Variants in ARMC10 observed in about 807,000 individuals in gnomAD.
ARMC10 encodes armadillo repeat containing 10.
A neutral mutation model predicts 30.2 loss-of-function variants in ARMC10; 23 were observed. The observed-to-expected ratio is 0.76, with a 90% CI of 0.55 to 1.08. ARMC10 has a LOEUF of 1.08. Among genes scored for constraint, ARMC10 ranks in the 50% least tolerant of loss-of-function variants. The pLI is 0.00. For synonymous variants in ARMC10, 111 were observed against 164.4 expected (o/e 0.68, Z 2.48); for missense variants, 303 against 413.7 (o/e 0.73, Z 2.32).
At chr7:103,091,070 G>A (rs1341328395) in intron 4 of ARMC10, among the ~76,000 whole-genome samples, 1 of 152,072 alleles carries the variant, frequency 6.6e-6, no homozygotes, top group South Asian at 2.1e-4. Flanking sequence ...AGAACTTTTG[G>A]TGGAGTTCAG....
chr7:103,084,595 C>T (rs1228838899), intron 3 of ARMC10, among the ~76,000 whole-genome samples: 1 of 152,120 alleles, frequency 6.6e-6, no homozygotes, highest in Non-Finnish European at 1.5e-5. Context: ...AAATATTGAG[C>T]TCAGCTAACT....
intron 4 of ARMC10, among the ~76,000 whole-genome samples, chr7:103,087,108 C>G (rs1425016907): frequency 1.3e-5 from 2 of 152,176 alleles, no homozygotes; most frequent in East Asian, 3.8e-4. Flanking sequence ...AGAACTAGAA[C>G]TAGTATTACA....
chr7:103,089,003 CCTTT>C (rs1801088437), intron 4 of ARMC10: 3 of 154,300 alleles, frequency 1.9e-5, no homozygotes, highest in Admixed American at 1.3e-4. Flanking sequence ...CACATCAATT[CCTTT>C]CTTATCACAC....
chr7:103,083,548 C>T (rs1800573855), intron 2 of ARMC10, 134 bp from the exon 3 acceptor site: 2 of 739,964 alleles, frequency 2.7e-6, no homozygotes, highest in South Asian at 1.9e-5. Context: ...ATCACTTGAG[C>T]CCAGGAGATC....
At chr7:103,095,601 C>T (rs1230066769) in intron 5 of ARMC10, 2 of 152,196 alleles carry the variant, frequency 1.3e-5, no homozygotes, top group Non-Finnish European at 2.9e-5. Context: ...TAGTACCCCC[C>T]TCTATGCTTA....
chr7:103,080,047 C>T (rs983757719), intron 2 of ARMC10, among the ~76,000 whole-genome samples: 3 of 152,100 alleles, frequency 2.0e-5, no homozygotes, highest in African/African-American at 7.2e-5. Flanking sequence ...CTGGAGGAGA[C>T]CACAAACCAC....
At chr7:103,080,853 C>T (rs1401135445) in intron 2 of ARMC10, among the ~76,000 whole-genome samples, 1 of 151,614 alleles carries the variant, frequency 6.6e-6, no homozygotes, top group Admixed American at 6.6e-5. Flanking sequence ...GTCTTGCACT[C>T]CTAACCTCGT....
chr7:103,092,532 T>C lies in ARMC10; in HGVS notation c.584T>C (p.Val195Ala). The C allele has an allele frequency of 6.2e-7, 1 of 1,610,022 alleles. No individual in the cohort carries two copies. Among genetic ancestry groups the C allele is most frequent in the South Asian group, 1.1e-5 (1 of 90,896 alleles). ...TTCTCTGGTCCTCTGAACTCTGCTGTGCAGCTGGCTGGACTGACATTGTTG... is the reference window on the plus strand; with the variant it reads ...TTCTCTGGTCCTCTGAACTCTGCTGCGCAGCTGGCTGGACTGACATTGTTG... ...DVFSGPLNSAVQLAGLTLLTN... is the reference protein window; with the variant it reads ...DVFSGPLNSAAQLAGLTLLTN... The change falls in exon 5 of 7, where the codon GTG (valine) becomes GCG (alanine). Residue 195 changes from valine (V) to alanine (A), a missense_variant. Physicochemically the swap from Val to Ala is moderately conservative, Grantham distance 64 (BLOSUM62 0). Transcript: ENST00000323716.
In ARMC10 at chr7:103,099,560, T is replaced by C. The variant is rs369694485; in HGVS notation, c.*1007T>C. 2.2e-5 allele frequency: 1 copy of C among 45,048 alleles called. No homozygotes were observed. The highest frequency in any genetic ancestry group is 2.9e-4 in the Admixed American group (1 of 3,502). 2.8% of individuals were successfully genotyped at this position (45,048 alleles called of 1,614,324 possible). A position where few individuals can be genotyped will look rare whatever the true frequency, so the allele number is the denominator to read the frequency against. ...GTGGTTTTTTAAAACACAAAAATTATAGAATATGGGATCCCGTGTGTGTGT... is the reference window on the plus strand; with the variant it reads ...GTGGTTTTTTAAAACACAAAAATTACAGAATATGGGATCCCGTGTGTGTGT... On this transcript the variant is annotated 3_prime_UTR_variant, in exon 7 of 7. Transcript: ENST00000323716.
chr7:103,079,393 T>C (rs772174789), intron 2 of ARMC10, among the ~76,000 whole-genome samples: 21 of 152,110 alleles, frequency 1.4e-4, no homozygotes, highest in Non-Finnish European at 2.6e-4. Flanking sequence ...AAGGAATAAA[T>C]AGAAGGAAAT....
chr7:103,090,059 T>C (rs1801179270), intron 4 of ARMC10, among the ~76,000 whole-genome samples: 1 of 152,188 alleles, frequency 6.6e-6, no homozygotes, highest in South Asian at 2.1e-4. Flanking sequence ...CTGACCTGGC[T>C]CTTGAGAATG....
chr7:103,083,023 T>A (rs1238222285), intron 2 of ARMC10: 1 of 456,330 alleles, frequency 2.2e-6, no homozygotes, highest in East Asian at 6.9e-5. Context: ...TCAGAAAAGA[T>A]CTGCTTAATG....
At chr7:103,091,674 A>G (rs548667060) in intron 4 of ARMC10, among the ~76,000 whole-genome samples, 4 of 89,378 alleles carry the variant, frequency 4.5e-5, no homozygotes, top group African/African-American at 6.0e-5. Context: ...ACTTATTACT[A>G]TGATACAAAA....
intron 3 of ARMC10, among the ~76,000 whole-genome samples, chr7:103,085,606 C>CTTCTTTTTTTT (rs1563322299): frequency 1.8e-4 from 24 of 130,468 alleles, no homozygotes; most frequent in Non-Finnish European, 2.3e-4. Context: ...CATTTCTCTT[C>CTTCTTTTTTTT]TTTTTTTTTT....
At chr7:103,076,253 C>T (rs976137353) in intron 2 of ARMC10, among the ~76,000 whole-genome samples, 7 of 152,146 alleles carry the variant, frequency 4.6e-5, no homozygotes, top group Admixed American at 2.6e-4. Flanking sequence ...ATAATTTGTC[C>T]TTAGGTAAGA....
intron 6 of ARMC10, 32 bp from the exon 7 acceptor site, chr7:103,098,265 AAT>A (rs561966418): frequency 1.1e-5 from 14 of 1,285,820 alleles, no homozygotes; most frequent in Non-Finnish European, 1.4e-5. Flanking sequence ...ATATATTATT[AAT>A]ATAAAATAAT....
At chr7:103,081,636 A>G (rs957637713) in intron 2 of ARMC10, among the ~76,000 whole-genome samples, 7 of 152,208 alleles carry the variant, frequency 4.6e-5, no homozygotes, top group Non-Finnish European at 1.0e-4. Context: ...CAGCCTCCCA[A>G]AGTGCTGGGT....
At chr7:103,095,695 CAAT>C (rs1350247390) in intron 5 of ARMC10, 1 of 152,018 alleles carries the variant, frequency 6.6e-6, no homozygotes, top group Non-Finnish European at 1.5e-5. Flanking sequence ...GAATGTCCAA[CAAT>C]GATAGACTGG....
In ARMC10 at chr7:103,098,316, T is replaced by G. The variant is rs10278727; in HGVS notation, c.795T>G (p.Leu265=). Reference sequence around the variant, plus strand: ...TATTTCAGGTGGATTCATCATTCCTTTCCCTTTATGACAGCCACGTAGCAA... The same window carrying G: ...TATTTCAGGTGGATTCATCATTCCTGTCCCTTTATGACAGCCACGTAGCAA... ...LLRAQVDSSF[L]SLYDSHVAKE... Residue 265 remains leucine (L), a synonymous_variant, in exon 7 of 7, where the codon CTT becomes CTG. Coordinates refer to ENST00000323716, the MANE Select transcript of ARMC10 (RefSeq NM_031905.5). The G allele has an allele frequency of 5.3e-3, 8,396 of 1,590,510 alleles. 252 individuals are homozygous for G. The African/African-American group carries it at 0.093, about 18-fold the overall frequency.
Sources: allele counts gnomAD v4.1 joint callset (sites outside exome capture counted in the v4.1 genomes callset), GRCh38; gene constraint gnomAD v4.1.1; transcripts MANE v1.5; gene names NCBI Gene and HGNC (gene_info 2026-07-23, HGNC 2026-07-21).